ANKH: variants seen among roughly 807,000 people sequenced by gnomAD.
The protein encoded by ANKH is mineralization regulator ANKH.
Under a neutral mutation model 49.0 loss-of-function variants are expected in ANKH, and 15 were observed. The observed-to-expected ratio is 0.31, with a 90% CI of 0.20 to 0.47. The LOEUF (loss-of-function observed/expected upper bound fraction) is 0.47. ANKH is among the 20% of genes least tolerant of loss of function. The pLI, the probability that ANKH is intolerant of heterozygous loss-of-function variation, is 1.00. For synonymous variants in ANKH, 273 were observed against 260.0 expected, an observed-to-expected ratio of 1.05 and a Z score of -0.48; for missense variants, 429 against 652.0, an observed-to-expected ratio of 0.66 and a Z score of 3.72.
At position 14,751,051 on chromosome 5, in the gene ANKH, T is replaced by C; in HGVS notation, c.687+18A>G. The C allele has an allele frequency of 1.2e-6, 2 of 1,613,726 alleles. No homozygotes were observed. Among genetic ancestry groups the C allele is most frequent in the South Asian group, 1.1e-5 (1 of 91,064 alleles). On this transcript the variant is annotated intron_variant, in intron 5 of 11. Coordinates refer to ENST00000284268, the MANE Select transcript of ANKH (RefSeq NM_054027.6). ...ACTCTGAGTCTCAGACAGACTGCTG[T>C]TGGGTTGGTAGACGTACCCCCAGCT...
chr5:14,713,490 C>T lies in ANKH; in HGVS notation c.1265+54G>A. 1 of 1,609,504 alleles carries T rather than the reference C, an allele frequency of 6.2e-7. No individual in the cohort carries two copies. Among genetic ancestry groups the T allele is most frequent in the South Asian group, 1.1e-5 (1 of 90,480 alleles). On this transcript the variant is annotated intron_variant, in intron 10 of 11. Coordinates refer to ENST00000284268, the MANE Select transcript of ANKH (RefSeq NM_054027.6). This position sits in a 1 kb window ranked among gnomAD's most constrained non-coding sequence, Gnocchi z 4.4. ...AAAATGTAGCTGTTAAACCTCTGGA[C>T]ACAGTATTGAAGTGGCAGAAGGACC...
At chr5:14,753,815 CA>C in intron 4 of ANKH, among the ~76,000 whole-genome samples, 1 of 151,916 alleles carries the variant, frequency 6.6e-6, no homozygotes. Flanking sequence ...CAAAACAAAA[CA>C]AAAAACCCCC....
chr5:14,732,577 T>C (rs773161848), intron 8 of ANKH, among the ~76,000 whole-genome samples: 5 of 152,010 alleles, frequency 3.3e-5, no homozygotes, highest in Admixed American at 6.6e-5. Context: ...TCTTTCCCTA[T>C]GTTAGGGACC....
Position 14,807,930 on chromosome 5 carries a change from T to C in ANKH, c.97-38739A>G, listed in dbSNP as rs191369885. On this transcript the variant is annotated intron_variant, in intron 1 of 11. Transcript: ENST00000284268. ...TTAGACATGTATATAACTTTAAGTC[T>C]TTCTTTCTTCATTAGCTCCTTTAAA... 2.0e-5 allele frequency among the ~76,000 whole-genome samples: 3 copies of C among 152,344 alleles called. No individual in the cohort carries two copies. The East Asian group carries it at 5.8e-4, about 29-fold the overall frequency.
intron 7 of ANKH, among the ~76,000 whole-genome samples, chr5:14,742,413 T>C (rs906726654): frequency 6.6e-6 from 1 of 152,240 alleles, no homozygotes; most frequent in African/African-American, 2.4e-5. Context: ...TTTCCAGCCA[T>C]GACTTCTCCA....
intron 3 of ANKH, among the ~76,000 whole-genome samples, chr5:14,757,475 A>G (rs1161519969): frequency 2.1e-5 from 3 of 142,290 alleles, no homozygotes; most frequent in Non-Finnish European, 4.5e-5. Flanking sequence ...TATTTATAAG[A>G]CAGCAGAAGA....
At chr5:14,714,694 A>G (rs1404136221) in intron 9 of ANKH, among the ~76,000 whole-genome samples, 2 of 152,126 alleles carry the variant, frequency 1.3e-5, no homozygotes, top group African/African-American at 2.4e-5. Context: ...TGACCAAAGG[A>G]GAGAGTCAGG....
chr5:14,782,363 A>G (rs1206933565), intron 1 of ANKH, among the ~76,000 whole-genome samples: 1 of 152,168 alleles, frequency 6.6e-6, no homozygotes, highest in Non-Finnish European at 1.5e-5. Context: ...AAACTGATGT[A>G]TGGAGAGGCG....
chr5:14,784,073 T>G (rs1251012598), intron 1 of ANKH, among the ~76,000 whole-genome samples: 1 of 152,242 alleles, frequency 6.6e-6, no homozygotes, highest in African/African-American at 2.4e-5. Context: ...GTTGGTGGAG[T>G]ACATGAATTC....
chr5:14,843,103 G>C (rs1741858445), intron 1 of ANKH, among the ~76,000 whole-genome samples: 1 of 151,804 alleles, frequency 6.6e-6, no homozygotes, highest in Non-Finnish European at 1.5e-5. Context: ...CTACAACTCA[G>C]CAGCAGCAGC....
chr5:14,860,818 C>A (rs370973069), intron 1 of ANKH, among the ~76,000 whole-genome samples: 183 of 151,906 alleles, frequency 1.2e-3, no homozygotes, highest in African/African-American at 4.2e-3. Flanking sequence ...TGGAGTGCTG[C>A]GATGCCCAGG....
At chr5:14,765,004 C>A (rs914335476) in intron 2 of ANKH, among the ~76,000 whole-genome samples, 2 of 152,198 alleles carry the variant, frequency 1.3e-5, no homozygotes, top group Non-Finnish European at 2.9e-5. Context: ...TTTCCACGCA[C>A]GTGAAATTAA....
chr5:14,781,571 C>G (rs951555717), intron 1 of ANKH, among the ~76,000 whole-genome samples: 1 of 152,156 alleles, frequency 6.6e-6, no homozygotes, highest in Non-Finnish European at 1.5e-5. Context: ...TGTATGACCT[C>G]TTAATATGAA....
chr5:14,741,819 G>A lies in ANKH; in HGVS notation c.1011+8C>T, dbSNP rs747169442. The A allele has an allele frequency of 1.2e-6, 2 of 1,611,420 alleles. No individual in the cohort carries two copies. The highest frequency in any genetic ancestry group is 2.7e-5 in the African/African-American group (2 of 74,830). On this transcript the variant is annotated splice_region_variant and intron_variant, in intron 8 of 11. Coordinates refer to ENST00000284268, the MANE Select transcript of ANKH (RefSeq NM_054027.6). ...GAGAGAAGAGGCAGAGAGAGCCTCT[G>A]TCCTTACCGTGAGTGACAGAGCCAT... is the stretch of plus-strand genomic sequence containing the variant.
Position 14,824,361 on chromosome 5 carries a change from C to T in ANKH, c.96+46991G>A, listed in dbSNP as rs148534408. 3.6e-4 allele frequency among the ~76,000 whole-genome samples: 55 copies of T among 152,144 alleles called. 1 individual carries two copies. Among genetic ancestry groups the T allele is most frequent in the African/African-American group, 1.3e-3 (53 of 41,498 alleles). On this transcript the variant is annotated intron_variant, in intron 1 of 11. Coordinates refer to ENST00000284268, the MANE Select transcript of ANKH (RefSeq NM_054027.6). ...GGACTAGAAGCATAAAGGGCAACAACGGCTGGGTGATTTTTTCCAATAATA... is the reference window on the plus strand; with the variant it reads ...GGACTAGAAGCATAAAGGGCAACAATGGCTGGGTGATTTTTTCCAATAATA...
At chr5:14,796,484 A>G (rs1458047248) in intron 1 of ANKH, among the ~76,000 whole-genome samples, 3 of 151,652 alleles carry the variant, frequency 2.0e-5, no homozygotes, top group Non-Finnish European at 4.4e-5. Flanking sequence ...AACAAAAAAA[A>G]AAAAAACACC....
At position 14,754,325 on chromosome 5, in the gene ANKH, A is replaced by T. The variant is rs1332591482; in HGVS notation, c.516+1536T>A. Among the ~76,000 whole-genome samples the T allele has an allele frequency of 4.7e-5, 7 of 148,738 alleles. 1 individual carries two copies. The South Asian group carries it at 1.5e-3, about 31-fold the overall frequency. On this transcript the variant is annotated intron_variant, in intron 4 of 11. Coordinates refer to ENST00000284268, the MANE Select transcript of ANKH (RefSeq NM_054027.6). ...TGGGTACTATGTTTATTTTAGGCAA[A>T]GTTAAGAGTTTTTTTTTTTTTTTTG...
chr5:14,769,930 G>C (rs932455655), intron 1 of ANKH, among the ~76,000 whole-genome samples: 23 of 152,192 alleles, frequency 1.5e-4, no homozygotes, highest in African/African-American at 5.5e-4. Flanking sequence ...TCCTCCAAGA[G>C]AGACGCTCTT....
chr5:14,708,653 C>G lies in ANKH; in HGVS notation c.*2544G>C, dbSNP rs1737041362. The stretch of plus-strand genomic sequence containing the variant: ...AGTTGTTAGGCTGTGACTTAAGCAG[C>G]CCAAGTGAAGAAAATGTACGAAGAA... On this transcript the variant is annotated 3_prime_UTR_variant, in exon 12 of 12. Coordinates refer to ENST00000284268, the MANE Select transcript of ANKH (RefSeq NM_054027.6). The G allele has an allele frequency of 6.6e-6, 1 of 152,148 alleles. No homozygotes were observed. Among genetic ancestry groups the G allele is most frequent in the South Asian group, 2.1e-4 (1 of 4,828 alleles). The allele number at this position is 152,148 out of a possible 1,614,324, so 9.4% of individuals were successfully genotyped here.
Sources: gnomAD v4.1 joint callset for allele counts (sites outside exome capture counted in the v4.1 genomes callset) on GRCh38, gnomAD v4.1.1 for gene constraint, Gnocchi (gnomAD v3.1) non-coding constraint, MANE v1.5 for transcripts, NCBI Gene and HGNC (gene_info 2026-07-23, HGNC 2026-07-21) for gene names.